The following ITFG1 variants were observed in gnomAD, a reference collection of about 807,000 sequenced individuals.
ITFG1 encodes T-cell immunomodulatory protein.
A neutral mutation model predicts 81.8 loss-of-function variants in ITFG1; 34 were observed. That is an observed-to-expected ratio of 0.42 (90% confidence interval 0.32 to 0.55). The LOEUF (loss-of-function observed/expected upper bound fraction) is 0.55, where lower values mean the gene tolerates loss of function less well. Among genes scored for constraint, ITFG1 ranks in the 20% least tolerant of loss-of-function variants. The probability of loss-of-function intolerance (pLI) is 0.17; values close to 1 mark genes in which losing one functional copy is unlikely to be tolerated. For synonymous variants in ITFG1, 285 were observed against 270.6 expected, an observed-to-expected ratio of 1.05 and a Z score of -0.52; for missense variants, 672 against 755.4, an observed-to-expected ratio of 0.89 and a Z score of 1.29.
At chr16:47,157,576 C>A (rs1435482216) in intron 17 of ITFG1, 1 of 152,130 alleles carries the variant, frequency 6.6e-6, no homozygotes, top group Non-Finnish European at 1.5e-5. Flanking sequence ...TGGAATCTTT[C>A]AGATGATATT....
At chr16:47,268,955 A>C (rs1167819400) in intron 10 of ITFG1, among the ~76,000 whole-genome samples, 1 of 152,236 alleles carries the variant, frequency 6.6e-6, no homozygotes, top group Non-Finnish European at 1.5e-5. Flanking sequence ...GACAAAATCC[A>C]AAACCCATTT....
At chr16:47,447,618 C>T (rs540250540) in intron 5 of ITFG1, among the ~76,000 whole-genome samples, 2 of 152,234 alleles carry the variant, frequency 1.3e-5, no homozygotes, top group African/African-American at 2.4e-5. Flanking sequence ...GCAACCTCTG[C>T]CTCCCAGGTT....
At chr16:47,441,482 T>C (rs1969249530) in intron 5 of ITFG1, among the ~76,000 whole-genome samples, 1 of 152,146 alleles carries the variant, frequency 6.6e-6, no homozygotes, top group African/African-American at 2.4e-5. Context: ...TTATCCACCA[T>C]GATCACGTGG....
chr16:47,320,848 AG>A (rs930565956), intron 8 of ITFG1, among the ~76,000 whole-genome samples: 6 of 152,334 alleles, frequency 3.9e-5, no homozygotes, highest in South Asian at 2.1e-4. Context: ...CTTTTTCTTC[AG>A]GGTTCTCACT....
intron 10 of ITFG1, among the ~76,000 whole-genome samples, chr16:47,278,736 G>A (rs1258766613): frequency 2.0e-5 from 3 of 152,142 alleles, no homozygotes; most frequent in African/African-American, 7.2e-5. Context: ...GGGGAGGAAG[G>A]GAGAGACTTA....
intron 5 of ITFG1, among the ~76,000 whole-genome samples, chr16:47,439,800 ACAT>A (rs1241349292): frequency 6.6e-6 from 1 of 152,220 alleles, no homozygotes; most frequent in Admixed American, 6.5e-5. Context: ...TAACCAGCTA[ACAT>A]CATAATGACA....
chr16:47,452,126 T>G (rs1325114337), intron 4 of ITFG1, among the ~76,000 whole-genome samples: 1 of 152,202 alleles, frequency 6.6e-6, no homozygotes, highest in Non-Finnish European at 1.5e-5. Flanking sequence ...AGACTTCTAA[T>G]GGCCACTGAC....
chr16:47,250,113 G>A (rs892594844), intron 12 of ITFG1, among the ~76,000 whole-genome samples: 1 of 152,094 alleles, frequency 6.6e-6, no homozygotes, highest in Admixed American at 6.6e-5. Flanking sequence ...CAAGCTTTGA[G>A]CACATGTGTA....
chr16:47,178,307 T>A (rs1254102342), intron 14 of ITFG1, among the ~76,000 whole-genome samples: 2 of 152,222 alleles, frequency 1.3e-5, no homozygotes, highest in Non-Finnish European at 2.9e-5. Context: ...GTGAGTGGAT[T>A]TTGTGACAAA....
intron 8 of ITFG1, among the ~76,000 whole-genome samples, chr16:47,365,016 C>T (rs185282272): frequency 1.8e-4 from 27 of 152,348 alleles, no homozygotes; most frequent in Middle Eastern, 3.4e-3. Context: ...ATAAGCCTGT[C>T]ACTGTGCTTC....
chr16:47,320,656 T>C (rs954294874), intron 8 of ITFG1, among the ~76,000 whole-genome samples: 4 of 152,202 alleles, frequency 2.6e-5, no homozygotes, highest in African/African-American at 9.6e-5. Context: ...CTGTAAGGAT[T>C]AAATGTGGAA....
intron 12 of ITFG1, among the ~76,000 whole-genome samples, chr16:47,257,576 C>T (rs184328074): frequency 6.6e-5 from 10 of 152,108 alleles, no homozygotes; most frequent in Admixed American, 1.3e-4. Flanking sequence ...CAAAAACAGA[C>T]GAAATTAGAA....
At chr16:47,184,889 A>T (rs1965189791) in intron 14 of ITFG1, among the ~76,000 whole-genome samples, 1 of 152,076 alleles carries the variant, frequency 6.6e-6, no homozygotes, top group African/African-American at 2.4e-5. Flanking sequence ...AACCCATCTC[A>T]CGTGCAGAGA....
At chr16:47,367,489 A>G (rs1968191953) in intron 7 of ITFG1, among the ~76,000 whole-genome samples, 1 of 152,228 alleles carries the variant, frequency 6.6e-6, no homozygotes, top group African/African-American at 2.4e-5. Context: ...TCAACTCATT[A>G]GCATACAAAC....
At chr16:47,226,927 C>A (rs1965765348) in intron 13 of ITFG1, among the ~76,000 whole-genome samples, 1 of 151,898 alleles carries the variant, frequency 6.6e-6, no homozygotes, top group Non-Finnish European at 1.5e-5. Context: ...CTTTTAAAAA[C>A]AATATCATTT....
chr16:47,263,217 T>C (rs765534670), intron 10 of ITFG1: 2 of 344,084 alleles, frequency 5.8e-6, no homozygotes, highest in African/African-American at 2.2e-5. Context: ...CTCTGCTACA[T>C]GGACACTGAA....
intron 14 of ITFG1, among the ~76,000 whole-genome samples, chr16:47,173,930 CT>C (rs1030740890): frequency 1.3e-5 from 2 of 152,074 alleles, no homozygotes; most frequent in Non-Finnish European, 2.9e-5. Context: ...GTCCCAGCTA[CT>C]TGGGAGGCTG....
At chr16:47,426,038 T>TA in intron 6 of ITFG1, 1 of 152,306 alleles carries the variant, frequency 6.6e-6, no homozygotes, top group South Asian at 2.1e-4. Context: ...TTCTCTTTTT[T>TA]ATTTGTGTGT....
At chr16:47,269,536 A>C (rs1202935816) in intron 10 of ITFG1, among the ~76,000 whole-genome samples, 1 of 151,674 alleles carries the variant, frequency 6.6e-6, no homozygotes, top group African/African-American at 2.4e-5. Flanking sequence ...GCATAATAGC[A>C]TCAAAAATAT....
Sources: allele counts gnomAD v4.1 joint callset (sites outside exome capture counted in the v4.1 genomes callset), GRCh38; gene constraint gnomAD v4.1.1; transcripts MANE v1.5; gene names NCBI Gene and HGNC (gene_info 2026-07-23, HGNC 2026-07-21).